CDYL2: variants seen among roughly 807,000 people sequenced by gnomAD.
CDYL2 encodes chromodomain Y like 2, also known as chromodomain Y-like protein 2.
A neutral mutation model predicts 49.4 loss-of-function variants in CDYL2; 23 were observed. The observed-to-expected ratio is 0.47, with a 90% CI of 0.34 to 0.66. CDYL2 has a LOEUF of 0.66. Ranked by LOEUF, CDYL2 falls within the 30% of genes least tolerant of loss-of-function variation. The probability of loss-of-function intolerance (pLI) is 0.01; values close to 1 mark genes in which losing one functional copy is unlikely to be tolerated. For missense variants in CDYL2, 678 were observed against 656.4 expected (o/e 1.03, Z -0.36); for synonymous variants, 360 against 268.8 (o/e 1.34, Z -3.32).
chr16:80,798,505 T>C (rs1417723273), intron 1 of CDYL2, among the ~76,000 whole-genome samples: 2 of 152,150 alleles, frequency 1.3e-5, no homozygotes, highest in East Asian at 1.9e-4. Context: ...GAACAGAAAA[T>C]ATATTTTCTA....
intron 1 of CDYL2, among the ~76,000 whole-genome samples, chr16:80,767,407 T>C (rs972226754): frequency 3.9e-5 from 6 of 152,186 alleles, no homozygotes; most frequent in South Asian, 2.1e-4. Flanking sequence ...TTACTTTTAA[T>C]AGGTATTTAA....
chr16:80,670,793 C>T (rs568014199), intron 2 of CDYL2: 37 of 402,648 alleles, frequency 9.2e-5, no homozygotes, highest in African/African-American at 6.5e-4. Flanking sequence ...ATCGAGGCCT[C>T]GAGGCTGGCG....
chr16:80,614,926 T>C (rs1906762140), intron 4 of CDYL2, among the ~76,000 whole-genome samples: 1 of 151,922 alleles, frequency 6.6e-6, no homozygotes, highest in South Asian at 2.1e-4. Flanking sequence ...ATCAATACTG[T>C]TCCTTCCCCC....
intron 1 of CDYL2, among the ~76,000 whole-genome samples, chr16:80,773,911 AAAGAT>A (rs1337635565): frequency 6.6e-6 from 1 of 152,136 alleles, no homozygotes; most frequent in African/African-American, 2.4e-5. Context: ...AGAAAATAAT[AAAGAT>A]AAGAGCCTCA....
At chr16:80,732,464 A>G (rs1257201505) in intron 1 of CDYL2, among the ~76,000 whole-genome samples, 2 of 152,216 alleles carry the variant, frequency 1.3e-5, no homozygotes, top group Non-Finnish European at 2.9e-5. Flanking sequence ...CAAGAAAAAA[A>G]GGTTTCTCTA....
rs1463653348 is a variant in CDYL2, at chr16:80,804,136, C to G, written c.24+14G>C. The G allele has an allele frequency of 8.3e-7, 1 of 1,197,806 alleles. No homozygotes were observed. The highest frequency in any genetic ancestry group is 3.1e-5 in the Admixed American group (1 of 32,094). The allele number at this position is 1,197,806 out of a possible 1,614,324, so 74.2% of individuals were successfully genotyped here. On this transcript the variant is annotated intron_variant, in intron 1 of 6. Transcript: ENST00000570137. Reference sequence around the variant, plus strand: ...CGCTGACTGGGGCCGGCCCGCGCCCCCGCGTCCCCGTACCTCGTAAAGGTC... The same window carrying G: ...CGCTGACTGGGGCCGGCCCGCGCCCGCGCGTCCCCGTACCTCGTAAAGGTC...
intron 1 of CDYL2, among the ~76,000 whole-genome samples, chr16:80,720,655 T>C (rs1021051374): frequency 5.3e-5 from 8 of 152,210 alleles, no homozygotes; most frequent in Non-Finnish European, 1.0e-4. Context: ...GCTCCTGGCA[T>C]TTCTTCCTGG....
intron 1 of CDYL2, among the ~76,000 whole-genome samples, chr16:80,800,830 G>C (rs1304578758): frequency 6.6e-6 from 1 of 152,174 alleles, no homozygotes; most frequent in Non-Finnish European, 1.5e-5. Flanking sequence ...AGAAAACTGA[G>C]AGCCTATCCC....
intron 1 of CDYL2, among the ~76,000 whole-genome samples, chr16:80,695,392 C>T (rs1385702121): frequency 6.6e-6 from 1 of 152,128 alleles, no homozygotes; most frequent in African/African-American, 2.4e-5. Flanking sequence ...AGAGTAAGTC[C>T]TAACCTATCA....
intron 3 of CDYL2, among the ~76,000 whole-genome samples, chr16:80,621,937 C>T (rs904477492): frequency 4.9e-4 from 74 of 152,158 alleles, no homozygotes; most frequent in African/African-American, 1.6e-3. Context: ...GTACTGCAGG[C>T]CAGGTACCCT....
intron 2 of CDYL2, 67 bp downstream of exon 2, chr16:80,684,471 G>T: frequency 6.8e-7 from 1 of 1,466,998 alleles, no homozygotes; most frequent in Non-Finnish European, 9.3e-7. Context: ...TATGTCCCTA[G>T]GCTACAGGCA....
At chr16:80,739,303 G>C (rs1233041209) in intron 1 of CDYL2, among the ~76,000 whole-genome samples, 2 of 152,174 alleles carry the variant, frequency 1.3e-5, no homozygotes, top group East Asian at 1.9e-4. Context: ...AGTTTTGCAA[G>C]ATGAAAAGAG....
At chr16:80,661,606 C>G (rs947093274) in intron 2 of CDYL2, among the ~76,000 whole-genome samples, 4 of 152,168 alleles carry the variant, frequency 2.6e-5, no homozygotes, top group Admixed American at 2.0e-4. Context: ...ATGCTGGATT[C>G]GAGCATCAAG....
chr16:80,785,826 G>A (rs767072292), intron 1 of CDYL2, among the ~76,000 whole-genome samples: 12 of 152,272 alleles, frequency 7.9e-5, no homozygotes, highest in East Asian at 3.9e-4. Flanking sequence ...ACCGTCATCC[G>A]ATCTTTGACC....
intron 1 of CDYL2, among the ~76,000 whole-genome samples, chr16:80,782,362 C>G (rs931448278): frequency 1.3e-5 from 2 of 151,468 alleles, no homozygotes; most frequent in Admixed American, 6.6e-5. Context: ...GCCCCCCAAA[C>G]GAAGAAAAGG....
chr16:80,646,599 G>C (rs573796348), intron 2 of CDYL2, among the ~76,000 whole-genome samples: 1 of 152,254 alleles, frequency 6.6e-6, no homozygotes, highest in Non-Finnish European at 1.5e-5. Flanking sequence ...GACCATCTTG[G>C]CTAACATGGT....
intron 1 of CDYL2, among the ~76,000 whole-genome samples, chr16:80,707,747 A>C (rs1487511603): frequency 6.6e-6 from 1 of 152,186 alleles, no homozygotes; most frequent in Non-Finnish European, 1.5e-5. Context: ...CAAGTCCAGC[A>C]TCCAGAGAGG....
At chr16:80,781,670 A>AG (rs1239152313) in intron 1 of CDYL2, among the ~76,000 whole-genome samples, 3 of 152,146 alleles carry the variant, frequency 2.0e-5, no homozygotes, top group East Asian at 3.8e-4. Flanking sequence ...TTAAAATCTG[A>AG]GAAAAAAAAG....
chr16:80,621,393 C>A (rs1323186507), intron 3 of CDYL2, among the ~76,000 whole-genome samples: 1 of 152,258 alleles, frequency 6.6e-6, no homozygotes, highest in Admixed American at 6.5e-5. Context: ...AGCTCATACC[C>A]CGCACGGCCT....
Sources: allele counts gnomAD v4.1 joint callset (sites outside exome capture counted in the v4.1 genomes callset), GRCh38; gene constraint gnomAD v4.1.1; transcripts MANE v1.5; gene names NCBI Gene and HGNC (gene_info 2026-07-23, HGNC 2026-07-21).